HECW2: variants seen among roughly 807,000 people sequenced by gnomAD.
HECW2 encodes HECT, C2 and WW domain containing E3 ubiquitin protein ligase 2.
HECW2 carries 61 observed loss-of-function variants against 175.2 expected under a neutral mutation model. That is an observed-to-expected ratio of 0.35 (90% CI 0.28 to 0.43). The LOEUF (loss-of-function observed/expected upper bound fraction) is 0.43, where lower values mean the gene tolerates loss of function less well. HECW2 is among the 20% of genes least tolerant of loss of function. HECW2 has a pLI of 1.00. For synonymous variants in HECW2, 671 were observed against 731.0 expected (o/e 0.92, Z 1.32); for missense variants, 1,524 against 2,000.5 (o/e 0.76, Z 4.54).
Position 196,459,599 on chromosome 2 carries a change from T to C in HECW2, c.-35-26141A>G, listed in dbSNP as rs564351205. Among the ~76,000 whole-genome samples the C allele has an allele frequency of 5.9e-5, 9 of 152,104 alleles. No individual in the cohort carries two copies. In the South Asian group the frequency reaches 1.9e-3, roughly 32 times the overall value. ...CCTCCCTCCATAACCAACATTAGGA[T>C]TTCCTCCGTAAGGATTAAACAGAAA... On this transcript the variant is annotated intron_variant, in intron 1 of 28. Coordinates refer to ENST00000644978, the MANE Select transcript of HECW2 (RefSeq NM_001348768.2).
intron 2 of HECW2, among the ~76,000 whole-genome samples, chr2:196,371,522 T>C (rs1271029270): frequency 1.3e-5 from 2 of 152,224 alleles, no homozygotes; most frequent in African/African-American, 4.8e-5. Flanking sequence ...GTCCATGAAT[T>C]GGTTGTTTAT....
chr2:196,338,693 T>C (rs570281717), intron 3 of HECW2, among the ~76,000 whole-genome samples: 1 of 152,282 alleles, frequency 6.6e-6, no homozygotes, highest in East Asian at 1.9e-4. Flanking sequence ...TTTCTAGAAG[T>C]TGAATATTTG....
At chr2:196,348,281 T>A (rs1209424110) in intron 2 of HECW2, among the ~76,000 whole-genome samples, 1 of 152,112 alleles carries the variant, frequency 6.6e-6, no homozygotes, top group East Asian at 1.9e-4. Flanking sequence ...GAACTATTCT[T>A]TTTTATCCTC....
intron 1 of HECW2, among the ~76,000 whole-genome samples, chr2:196,590,611 T>C (rs1473261566): frequency 6.6e-6 from 1 of 152,214 alleles, no homozygotes; most frequent in African/African-American, 2.4e-5. Flanking sequence ...GTTACACAGA[T>C]ACCAACCATA....
chr2:196,461,387 C>T (rs1420647595), intron 1 of HECW2, among the ~76,000 whole-genome samples: 2 of 152,194 alleles, frequency 1.3e-5, no homozygotes, highest in Non-Finnish European at 2.9e-5. Flanking sequence ...TAGAGAACAA[C>T]TGTAAATGTC....
At chr2:196,454,310 T>C (rs1696438469) in intron 1 of HECW2, among the ~76,000 whole-genome samples, 1 of 152,210 alleles carries the variant, frequency 6.6e-6, no homozygotes, top group Admixed American at 6.5e-5. Flanking sequence ...CAAAACTATT[T>C]TGTAGCTTGC....
rs564380860 is a variant in HECW2 at position 196,409,613 on chromosome 2, A to T, written c.292+23519T>A. Among the ~76,000 whole-genome samples the T allele has an allele frequency of 2.6e-5, 4 of 152,200 alleles. No individual in the cohort carries two copies. In the East Asian group the frequency reaches 7.7e-4, roughly 29 times the overall value. On this transcript the variant is annotated intron_variant, in intron 2 of 28. Transcript: ENST00000644978. ...TCAGGACTCTTAATTTTTTAGTTGC[A>T]TGAAAGAAAGTTTCAGACAGCCTCC... is the stretch of plus-strand genomic sequence containing the variant.
At chr2:196,207,771 A>C (rs1051565152) in intron 28 of HECW2, among the ~76,000 whole-genome samples, 5 of 152,154 alleles carry the variant, frequency 3.3e-5, no homozygotes, top group African/African-American at 1.2e-4. Flanking sequence ...GAATTAATCT[A>C]TTCACTAATT....
chr2:196,474,070 T>C (rs566892701), intron 1 of HECW2, among the ~76,000 whole-genome samples: 27 of 152,318 alleles, frequency 1.8e-4, no homozygotes, highest in Admixed American at 5.9e-4. Flanking sequence ...TTATACGAAA[T>C]CAAGTAGTAT....
chr2:196,510,839 G>A (rs1687923369), intron 1 of HECW2, among the ~76,000 whole-genome samples: 1 of 151,924 alleles, frequency 6.6e-6, no homozygotes, highest in African/African-American at 2.4e-5. Context: ...TTTCCCCTCA[G>A]GATTATAACC....
intron 2 of HECW2, among the ~76,000 whole-genome samples, chr2:196,397,107 G>A (rs1016415239): frequency 6.8e-6 from 1 of 147,632 alleles, no homozygotes; most frequent in African/African-American, 2.5e-5. Flanking sequence ...GCGAGACTCC[G>A]TCTCAACAAA....
In HECW2 at chr2:196,197,656, C is replaced by T. The variant is rs1334507600; in HGVS notation, c.*3621G>A. 1 of 152,140 alleles carries T rather than the reference C, an allele frequency of 6.6e-6. No individual in the cohort carries two copies. Among genetic ancestry groups the T allele is most frequent in the East Asian group, 1.9e-4 (1 of 5,192 alleles). The allele number at this position is 152,140 out of a possible 1,614,324, so 9.4% of individuals were successfully genotyped here. A position where few individuals can be genotyped will look rare whatever the true frequency, so the allele number is the denominator to read the frequency against. On this transcript the variant is annotated 3_prime_UTR_variant, in exon 29 of 29. Coordinates refer to ENST00000644978, the MANE Select transcript of HECW2 (RefSeq NM_001348768.2). ...TTTGGAGGAAGCATCTTGGAAACCT[C>T]ACTGAATGTGGAATATACTGGTACA...
At chr2:196,522,800 G>A (rs569974187) in intron 1 of HECW2, among the ~76,000 whole-genome samples, 78 of 151,280 alleles carry the variant, frequency 5.2e-4, no homozygotes, top group East Asian at 3.3e-3. Context: ...GATATGCGGC[G>A]TTATTTCTGA....
At chr2:196,234,359 C>T (rs887912027) in intron 21 of HECW2, among the ~76,000 whole-genome samples, 3 of 151,864 alleles carry the variant, frequency 2.0e-5, no homozygotes, top group African/African-American at 7.3e-5. Flanking sequence ...ACAATCGTAG[C>T]TCACTGTAAC....
chr2:196,433,099 G>A, intron 2 of HECW2, 33 bp downstream of exon 2: 3 of 1,557,306 alleles, frequency 1.9e-6, no homozygotes, highest in East Asian at 2.3e-5. Flanking sequence ...TGTATGCTCT[G>A]AGTCACATGC....
At chr2:196,290,491 A>G (rs1690565756) in intron 14 of HECW2, 1 of 152,332 alleles carries the variant, frequency 6.6e-6, no homozygotes, top group Non-Finnish European at 1.5e-5. Context: ...CTCAACACAG[A>G]GCAGAAACAG....
At chr2:196,202,226 A>G (rs559178922) in intron 28 of HECW2, among the ~76,000 whole-genome samples, 2 of 152,350 alleles carry the variant, frequency 1.3e-5, no homozygotes, top group South Asian at 4.1e-4. Context: ...TGACTTAAAA[A>G]AAATACTCCT....
chr2:196,251,560 G>A (rs1688855118), intron 19 of HECW2, among the ~76,000 whole-genome samples: 1 of 152,122 alleles, frequency 6.6e-6, no homozygotes, highest in Non-Finnish European at 1.5e-5. Context: ...CTTCCAATTT[G>A]AGTCTAACCA....
intron 1 of HECW2, among the ~76,000 whole-genome samples, chr2:196,436,944 T>C (rs1695895075): frequency 6.6e-6 from 1 of 152,124 alleles, no homozygotes. Flanking sequence ...CATCTGAAAG[T>C]GATAAAAACA....
Sources: gnomAD v4.1 joint callset for allele counts (sites outside exome capture counted in the v4.1 genomes callset) on GRCh38, gnomAD v4.1.1 for gene constraint, MANE v1.5 for transcripts, NCBI Gene and HGNC (gene_info 2026-07-23, HGNC 2026-07-21) for gene names.